Variants in NNMT observed in about 807,000 individuals in gnomAD.
NNMT encodes nicotinamide N-methyltransferase.
NNMT carries 10 observed loss-of-function variants against 11.7 expected under a neutral mutation model. The ratio of observed to expected loss-of-function variants is 0.85; its 90% CI spans 0.53 to 1.45. NNMT has a LOEUF of 1.45. Ranked by LOEUF, NNMT falls within the 40% of genes most tolerant of loss-of-function variation. The pLI is 0.00. For missense variants in NNMT, 381 were observed against 319.4 expected (o/e 1.19, Z -1.47); for synonymous variants, 143 against 133.8 (o/e 1.07, Z -0.48).
At chr11:114,301,004 G>A (rs772222300) in intron 2 of NNMT, among the ~76,000 whole-genome samples, 1 of 152,198 alleles carries the variant, frequency 6.6e-6, no homozygotes, top group Non-Finnish European at 1.5e-5. Flanking sequence ...ATGCAGCATA[G>A]TGATGGGATA....
chr11:114,267,701 T>C (rs536023996), intron 2 of NNMT, among the ~76,000 whole-genome samples: 2 of 152,346 alleles, frequency 1.3e-5, no homozygotes, highest in East Asian at 3.9e-4. Context: ...TTCGTTTCTT[T>C]TTCCTGTCTT....
intron 2 of NNMT, among the ~76,000 whole-genome samples, chr11:114,286,242 C>G (rs1006304682): frequency 6.6e-6 from 1 of 152,158 alleles, no homozygotes; most frequent in African/African-American, 2.4e-5. Flanking sequence ...AGGGACTCTG[C>G]GTCTGGATAT....
intron 2 of NNMT, among the ~76,000 whole-genome samples, chr11:114,267,259 C>T (rs1945129155): frequency 6.6e-6 from 1 of 152,128 alleles, no homozygotes; most frequent in African/African-American, 2.4e-5. Flanking sequence ...AGCGAGACTC[C>T]ATCTCAAATA....
intron 2 of NNMT, among the ~76,000 whole-genome samples, chr11:114,286,554 T>C (rs529695612): frequency 1.1e-3 from 162 of 152,350 alleles, no homozygotes; most frequent in African/African-American, 3.9e-3. Flanking sequence ...TTGGACTTTA[T>C]AGATTGAATA....
At chr11:114,288,404 G>C (rs942332122) in intron 2 of NNMT, among the ~76,000 whole-genome samples, 10 of 150,104 alleles carry the variant, frequency 6.7e-5, no homozygotes, top group African/African-American at 2.2e-4. Flanking sequence ...GGCAAGGATT[G>C]TTTTTGTTGT....
At chr11:114,303,194 G>A (rs1945455668) in intron 2 of NNMT, among the ~76,000 whole-genome samples, 1 of 151,994 alleles carries the variant, frequency 6.6e-6, no homozygotes, top group African/African-American at 2.4e-5. Flanking sequence ...TCCTTCACCT[G>A]AAGAACTTAT....
At chr11:114,305,436 T>G (rs1218893356) in intron 2 of NNMT, among the ~76,000 whole-genome samples, 1 of 152,014 alleles carries the variant, frequency 6.6e-6, no homozygotes, top group Admixed American at 6.5e-5. Context: ...GCCATGTTGG[T>G]GTGCTGCACC....
At chr11:114,295,988 C>A (rs1326122783), upstream of NNMT, 1 of 152,488 alleles carries the variant, frequency 6.6e-6, no homozygotes, top group East Asian at 1.9e-4. Flanking sequence ...CAGACTTCAT[C>A]TGAGACTCCT....
chr11:114,304,084 C>G (rs866629645), intron 2 of NNMT, among the ~76,000 whole-genome samples: 1 of 151,886 alleles, frequency 6.6e-6, no homozygotes, highest in African/African-American at 2.4e-5. Context: ...TTGATATTAA[C>G]TAGAAACAAT....
chr11:114,291,086 G>T (rs1945330870), intron 2 of NNMT, among the ~76,000 whole-genome samples: 1 of 152,174 alleles, frequency 6.6e-6, no homozygotes, highest in Non-Finnish European at 1.5e-5. Context: ...TTCCTAGACT[G>T]TTACAATGAT....
At chr11:114,271,157 A>G (rs898361493) in intron 2 of NNMT, among the ~76,000 whole-genome samples, 2 of 152,180 alleles carry the variant, frequency 1.3e-5, no homozygotes, top group Admixed American at 1.3e-4. Context: ...GAATTTTGGG[A>G]GTGGGCAGGG....
chr11:114,305,169 A>AGAAGAAGCACTGGTGTCTG (rs1945477673), intron 2 of NNMT, among the ~76,000 whole-genome samples: 1 of 152,230 alleles, frequency 6.6e-6, no homozygotes, highest in Non-Finnish European at 1.5e-5. Context: ...ACATTACAGT[A>AGAAGAAGCACTGGTGTCTG]GAAGAAGCAC....
chr11:114,259,936 A>G (rs1207074222), intron 1 of NNMT, among the ~76,000 whole-genome samples: 1 of 152,156 alleles, frequency 6.6e-6, no homozygotes, highest in African/African-American at 2.4e-5. Flanking sequence ...AGCCTGGCAC[A>G]AGGCCCCCTT....
At chr11:114,288,295 G>C (rs1265391895) in intron 2 of NNMT, among the ~76,000 whole-genome samples, 1 of 152,110 alleles carries the variant, frequency 6.6e-6, no homozygotes, top group African/African-American at 2.4e-5. Context: ...CAACTTGAAA[G>C]GAAAGCTTGT....
chr11:114,288,938 A>G (rs1945316890), intron 2 of NNMT, among the ~76,000 whole-genome samples: 1 of 152,162 alleles, frequency 6.6e-6, no homozygotes, highest in Non-Finnish European at 1.5e-5. Flanking sequence ...AGCTAGACTT[A>G]TAAAGTTAGT....
intron 2 of NNMT, among the ~76,000 whole-genome samples, chr11:114,266,182 C>T (rs1024003260): frequency 2.0e-5 from 3 of 152,146 alleles, no homozygotes; most frequent in East Asian, 1.9e-4. Context: ...TTGCTACAAA[C>T]GCTGAGGAGC....
At position 114,298,086 on chromosome 11, in the gene NNMT, G is replaced by A; in HGVS notation, c.290G>A (p.Trp97Ter). ...SDQNLQELEK[W>*]LKKEPEAFDW... is the part of the protein sequence containing the mutation. ...CAGAACCTGCAGGAGCTGGAGAAGT[G>A]GCTGAAGAAAGAGCCAGAGGCCTTT... The change falls in exon 2 of 3, where the codon TGG (tryptophan) becomes TAG (stop). Residue 97 changes from tryptophan to a stop codon, truncating the protein, a stop_gained. Coordinates refer to ENST00000299964, the MANE Select transcript of NNMT (RefSeq NM_006169.3). LOFTEE classifies it high-confidence loss of function. 6.2e-7 allele frequency: 1 copy of A among 1,614,172 alleles called. No individual in the cohort carries two copies. Among genetic ancestry groups the A allele is most frequent in the African/African-American group, 1.3e-5 (1 of 75,034 alleles).
chr11:114,309,041 T>G (rs1477865902), intron 2 of NNMT, among the ~76,000 whole-genome samples: 3 of 152,190 alleles, frequency 2.0e-5, no homozygotes, highest in Non-Finnish European at 1.5e-5. Flanking sequence ...GGAGGTTCGT[T>G]CTGCTTCTGT....
At chr11:114,283,367 G>A (rs1309004522) in intron 2 of NNMT, among the ~76,000 whole-genome samples, 4 of 152,186 alleles carry the variant, frequency 2.6e-5, no homozygotes, top group Non-Finnish European at 5.9e-5. Context: ...TAATGTGATA[G>A]GGCTTTAATG....
Sources: gnomAD v4.1 joint callset for allele counts (sites outside exome capture counted in the v4.1 genomes callset) on GRCh38, gnomAD v4.1.1 for gene constraint, MANE v1.5 for transcripts, NCBI Gene and HGNC (gene_info 2026-07-23, HGNC 2026-07-21) for gene names.